The following ASXL3 variants were observed in gnomAD, a reference collection of about 807,000 sequenced individuals.
ASXL3 encodes putative Polycomb group protein ASXL3.
ASXL3 carries 34 observed loss-of-function variants against 170.6 expected under a neutral mutation model. The observed-to-expected ratio is 0.20, with a 90% confidence interval of 0.15 to 0.27. The LOEUF (loss-of-function observed/expected upper bound fraction) is 0.27. ASXL3 is among the 10% of genes least tolerant of loss of function. The probability of loss-of-function intolerance (pLI) is 1.00; values close to 1 mark genes in which losing one functional copy is unlikely to be tolerated. For missense variants in ASXL3, 2,592 were observed against 2,695.3 expected (o/e 0.96, Z 0.85); for synonymous variants, 1,002 against 989.1 (o/e 1.01, Z -0.24).
intron 1 of ASXL3, among the ~76,000 whole-genome samples, chr18:33,598,172 G>T (rs750210022): frequency 1.1e-4 from 16 of 152,020 alleles, no homozygotes; most frequent in Admixed American, 2.0e-4. Flanking sequence ...TTTCAGAGTT[G>T]TTATATATCT....
intron 8 of ASXL3, among the ~76,000 whole-genome samples, chr18:33,713,760 CATATGGTAGAAT>C (rs1201101559): frequency 1.3e-5 from 2 of 152,106 alleles, no homozygotes; most frequent in Non-Finnish European, 2.9e-5. Flanking sequence ...GACTGATACA[CATATGGTAGAAT>C]ATTGATGGAA....
At chr18:33,718,228 TG>T (rs1021546847) in intron 8 of ASXL3, among the ~76,000 whole-genome samples, 7 of 152,280 alleles carry the variant, frequency 4.6e-5, no homozygotes, top group Middle Eastern at 6.8e-3. Flanking sequence ...CCGTCATCTT[TG>T]GCATTTAGTA....
At chr18:33,604,408 T>C (rs1027426464) in intron 1 of ASXL3, among the ~76,000 whole-genome samples, 4 of 152,058 alleles carry the variant, frequency 2.6e-5, no homozygotes, top group African/African-American at 9.7e-5. Flanking sequence ...CCTCGGAATT[T>C]AATTAGATGT....
intron 1 of ASXL3, among the ~76,000 whole-genome samples, chr18:33,588,516 A>G (rs1222529405): frequency 6.6e-6 from 1 of 152,108 alleles, no homozygotes; most frequent in Non-Finnish European, 1.5e-5. Flanking sequence ...TGCTGTGGGC[A>G]CTAATATCAT....
chr18:33,748,288 T>A lies in ASXL3; in HGVS notation c.*1693T>A, dbSNP rs2145441217. The A allele has an allele frequency of 6.6e-6, 1 of 152,362 alleles. No homozygotes were observed. The highest frequency in any genetic ancestry group is 1.5e-5 in the Non-Finnish European group (1 of 68,028). The allele number at this position is 152,362 out of a possible 1,614,324, so 9.4% of individuals were successfully genotyped here. On this transcript the variant is annotated 3_prime_UTR_variant, in exon 12 of 12. Transcript: ENST00000269197. ...AAAACAAGAACACTTGTGATTTTTTTATAATAACCAACTATATAATATGTT... is the reference window on the plus strand; with the variant it reads ...AAAACAAGAACACTTGTGATTTTTTAATAATAACCAACTATATAATATGTT...
chr18:33,687,230 T>C (rs2066611162), intron 8 of ASXL3, among the ~76,000 whole-genome samples: 2 of 152,190 alleles, frequency 1.3e-5, no homozygotes, highest in South Asian at 4.1e-4. Flanking sequence ...TCAACCCTCT[T>C]TTCTAGCAGA....
intron 11 of ASXL3, among the ~76,000 whole-genome samples, chr18:33,740,814 A>C (rs1296058934): frequency 3.9e-5 from 6 of 152,294 alleles, no homozygotes; most frequent in Admixed American, 3.9e-4. Context: ...TAGAGAACTT[A>C]CACCATAAAC....
chr18:33,645,707 C>G (rs1354330796), intron 3 of ASXL3, among the ~76,000 whole-genome samples: 1 of 151,218 alleles, frequency 6.6e-6, no homozygotes, highest in Non-Finnish European at 1.5e-5. Flanking sequence ...GAAGTCTCTG[C>G]TTTAATAAGT....
At chr18:33,618,452 A>G (rs1292386839) in intron 2 of ASXL3, among the ~76,000 whole-genome samples, 1 of 152,136 alleles carries the variant, frequency 6.6e-6, no homozygotes, top group Admixed American at 6.6e-5. Flanking sequence ...AACATCACAG[A>G]AATTAGAGGA....
In ASXL3 at chr18:33,744,989, G is replaced by A. The variant is rs1429146168; in HGVS notation, c.5141G>A (p.Ser1714Asn). 1 of 1,614,016 alleles carries A rather than the reference G, an allele frequency of 6.2e-7. No individual in the cohort carries two copies. The highest frequency in any genetic ancestry group is 1.3e-5 in the African/African-American group (1 of 75,054). The change falls in exon 12 of 12, where the codon AGT (serine) becomes AAT (asparagine). Residue 1714 changes from serine to asparagine, a missense_variant. Physicochemically the swap from Ser to Asn is conservative, Grantham distance 46. Around this residue, in one of 4 missense-constraint regions of ASXL3, gnomAD observed 2,246 missense variants for 2,219.6 expected, o/e 1.01. Coordinates refer to ENST00000269197, the MANE Select transcript of ASXL3 (RefSeq NM_030632.3). ...CAGAACATGAAAGCTTCCACCTCAA[G>A]TCCCATGGAAGAGGCTATTTCCTTG... ...QTQNMKASTSSPMEEAISLAT... is the reference protein window; with the variant it reads ...QTQNMKASTSNPMEEAISLAT...
chr18:33,609,027 T>C, intron 2 of ASXL3: 1 of 985,000 alleles, frequency 1.0e-6, no homozygotes, highest in Non-Finnish European at 1.2e-6. Flanking sequence ...AACCACGCTG[T>C]GTTTGTGCTA....
intron 1 of ASXL3, among the ~76,000 whole-genome samples, chr18:33,590,569 G>A (rs1480967710): frequency 6.6e-6 from 1 of 151,924 alleles, no homozygotes; most frequent in Non-Finnish European, 1.5e-5. Flanking sequence ...TTCCAGTCTG[G>A]GTCTGCCTGA....
chr18:33,746,183 T>C lies in ASXL3; in HGVS notation c.6335T>C (p.Leu2112Ser). ...SYDQNEMKEQ[L>S]KAFALKSADF... ...GACCAGAATGAAATGAAAGAACAGTTAAAAGCATTCGCGCTAAAAAGTGCA... is the reference window on the plus strand; with the variant it reads ...GACCAGAATGAAATGAAAGAACAGTCAAAAGCATTCGCGCTAAAAAGTGCA... Residue 2112 changes from leucine to serine, a missense_variant, in exon 12 of 12, where the codon TTA becomes TCA. Physicochemically the swap from Leu to Ser is moderately radical, Grantham distance 145 (BLOSUM62 -2). Transcript: ENST00000269197. 1 of 1,613,892 alleles carries C rather than the reference T, an allele frequency of 6.2e-7. No homozygotes were observed. The highest frequency in any genetic ancestry group is 8.5e-7 in the Non-Finnish European group (1 of 1,179,888).
At chr18:33,645,719 A>G (rs1599438844) in intron 3 of ASXL3, among the ~76,000 whole-genome samples, 2 of 150,888 alleles carry the variant, frequency 1.3e-5, no homozygotes, top group South Asian at 2.1e-4. Context: ...TTAATAAGTC[A>G]TGGATTATAT....
chr18:33,579,361 G>C (rs2064973881), intron 1 of ASXL3, among the ~76,000 whole-genome samples: 1 of 152,268 alleles, frequency 6.6e-6, no homozygotes, highest in African/African-American at 2.4e-5. Context: ...AGTGTGTTTC[G>C]GGTGTGTGTG....
intron 7 of ASXL3, among the ~76,000 whole-genome samples, chr18:33,677,674 T>C (rs1303535834): frequency 3.3e-5 from 5 of 152,224 alleles, no homozygotes; most frequent in Non-Finnish European, 7.3e-5. Context: ...ATAACATTCA[T>C]GTTCTGTTTG....
At chr18:33,600,082 T>C (rs1357500215) in intron 1 of ASXL3, among the ~76,000 whole-genome samples, 1 of 152,126 alleles carries the variant, frequency 6.6e-6, no homozygotes, top group African/African-American at 2.4e-5. Flanking sequence ...ATTTTAAAAG[T>C]GACACTGGAA....
rs142042558 is a variant in ASXL3 at position 33,706,705 on chromosome 18, A to C, written c.879+23137A>C. Among the ~76,000 whole-genome samples, 187 of 151,810 alleles carry C rather than the reference A, an allele frequency of 1.2e-3. 1 individual carries two copies. The highest frequency in any genetic ancestry group is 3.7e-3 in the African/African-American group (154 of 41,490). On this transcript the variant is annotated intron_variant, in intron 8 of 11. Coordinates refer to ENST00000269197, the MANE Select transcript of ASXL3 (RefSeq NM_030632.3). ...CATCTTTTTCTTGTTGATTTGTGTC[A>C]GATCTTATAAATTCAGAGTATAAGT...
At position 33,743,062 on chromosome 18, in the gene ASXL3, G is replaced by A; in HGVS notation, c.3214G>A (p.Ala1072Thr). Residue 1072 changes from alanine to threonine, a missense_variant, in exon 12 of 12, where the codon GCA becomes ACA. Coordinates refer to ENST00000269197, the MANE Select transcript of ASXL3 (RefSeq NM_030632.3). ...AGCTCGGGCCCAGCGAGAGGCTGCTGCAGCTGCTGCTGTGGCTGCTGCAGC... is the reference window on the plus strand; with the variant it reads ...AGCTCGGGCCCAGCGAGAGGCTGCTACAGCTGCTGCTGTGGCTGCTGCAGC... ...QQARAQREAA[A>T]AAAVAAAASI... 1 of 1,613,358 alleles carries A rather than the reference G, an allele frequency of 6.2e-7. No individual in the cohort carries two copies. The highest frequency in any genetic ancestry group is 8.5e-7 in the Non-Finnish European group (1 of 1,179,770).
Sources: gnomAD v4.1 joint callset for allele counts (sites outside exome capture counted in the v4.1 genomes callset) on GRCh38, gnomAD v4.1.1 for gene constraint, gnomAD v4.1.1 regional missense constraint, MANE v1.5 for transcripts, NCBI Gene and HGNC (gene_info 2026-07-23, HGNC 2026-07-21) for gene names.